The following SLC4A10 variants were observed in gnomAD, a reference collection of about 807,000 sequenced individuals.
SLC4A10 encodes the protein sodium-driven chloride bicarbonate exchanger.
A neutral mutation model predicts 137.7 loss-of-function variants in SLC4A10; 42 were observed. The ratio of observed to expected loss-of-function variants is 0.30; its 90% CI spans 0.24 to 0.39. The LOEUF (loss-of-function observed/expected upper bound fraction) is 0.39. Among genes scored for constraint, SLC4A10 ranks in the 10% least tolerant of loss-of-function variants. The pLI is 1.00. For synonymous variants in SLC4A10, 474 were observed against 464.1 expected (o/e 1.02, Z -0.27); for missense variants, 925 against 1,355.0 (o/e 0.68, Z 4.98).
chr2:161,637,909 G>A (rs2034693662), intron 1 of SLC4A10, among the ~76,000 whole-genome samples: 1 of 152,100 alleles, frequency 6.6e-6, no homozygotes, highest in Non-Finnish European at 1.5e-5. Flanking sequence ...GTCTTATTTT[G>A]ATGAATGCCT....
rs1279485590 is a variant in SLC4A10, at chr2:161,799,021, C to A, written c.131-5428C>A. 2.0e-5 allele frequency among the ~76,000 whole-genome samples: 3 copies of A among 151,158 alleles called. No homozygotes were observed. The South Asian group carries it at 6.3e-4, about 32-fold the overall frequency. ...TCTGAATAAATTCTAGTGTTCTCTG[C>A]TTATCTCAAAAAATCTTTTCTTTTA... On this transcript the variant is annotated intron_variant, in intron 2 of 26. Transcript: ENST00000446997.
intron 3 of SLC4A10, among the ~76,000 whole-genome samples, chr2:161,825,369 G>T (rs1039087969): frequency 6.6e-6 from 1 of 152,034 alleles, no homozygotes. Context: ...TTACTTCACT[G>T]CTACTGTGGC....
chr2:161,692,462 G>T (rs967633492), intron 1 of SLC4A10, among the ~76,000 whole-genome samples: 7 of 151,996 alleles, frequency 4.6e-5, no homozygotes, highest in Non-Finnish European at 8.8e-5. Context: ...TGAATATAAG[G>T]TAGTTAGTGT....
At chr2:161,981,776 GA>G (rs1246590531) in intron 26 of SLC4A10, among the ~76,000 whole-genome samples, 1 of 152,202 alleles carries the variant, frequency 6.6e-6, no homozygotes, top group East Asian at 1.9e-4. Context: ...GAAAAGGGAG[GA>G]AAGTTGCTTT....
chr2:161,783,323 G>A (rs2053259867), intron 2 of SLC4A10, among the ~76,000 whole-genome samples: 1 of 151,762 alleles, frequency 6.6e-6, no homozygotes, highest in South Asian at 2.1e-4. Context: ...AAAAACTAAG[G>A]AAGTTCATCA....
intron 19 of SLC4A10, among the ~76,000 whole-genome samples, chr2:161,956,212 A>G (rs1695633152): frequency 6.6e-6 from 1 of 152,190 alleles, no homozygotes; most frequent in African/African-American, 2.4e-5. Context: ...AATTATCACA[A>G]CAGCCCAGTG....
At chr2:161,666,110 A>AAAAACCCAAAATAT (rs2039015791) in intron 1 of SLC4A10, among the ~76,000 whole-genome samples, 2 of 151,456 alleles carry the variant, frequency 1.3e-5, no homozygotes, top group African/African-American at 4.8e-5. Context: ...ACCCAAAATA[A>AAAAACCCAAAATAT]TAAAAAAAGG....
intron 5 of SLC4A10, among the ~76,000 whole-genome samples, chr2:161,861,095 T>G (rs967427084): frequency 2.6e-5 from 4 of 152,188 alleles, no homozygotes; most frequent in African/African-American, 4.8e-5. Flanking sequence ...TGGCCTACAA[T>G]GCCTAAAATA....
chr2:161,939,933 C>T (rs1692362469), intron 15 of SLC4A10, among the ~76,000 whole-genome samples: 1 of 152,064 alleles, frequency 6.6e-6, no homozygotes, highest in Admixed American at 6.6e-5. Context: ...AGTGTCATGA[C>T]ATCTATAGTA....
chr2:161,694,677 C>A lies in SLC4A10; in HGVS notation c.48+70111C>A, dbSNP rs115016471. Among the ~76,000 whole-genome samples the A allele has an allele frequency of 9.5e-3, 1,438 of 152,060 alleles. 25 individuals carry two copies. The highest frequency in any genetic ancestry group is 0.033 in the African/African-American group (1,364 of 41,526). On this transcript the variant is annotated intron_variant, in intron 1 of 26. Coordinates refer to ENST00000446997, the MANE Select transcript of SLC4A10 (RefSeq NM_001178015.2). ...TTCAGATTCTTGTTTGATTTACGTTCTTTGAAGAGTTGCTAGTTGGCTGAA... is the reference window on the plus strand; with the variant it reads ...TTCAGATTCTTGTTTGATTTACGTTATTTGAAGAGTTGCTAGTTGGCTGAA...
intron 2 of SLC4A10, among the ~76,000 whole-genome samples, chr2:161,775,235 C>G (rs865887989): frequency 2.0e-5 from 3 of 151,878 alleles, no homozygotes; most frequent in South Asian, 2.1e-4. Context: ...GATGTGGGAT[C>G]TTGGCTACAG....
At chr2:161,727,047 C>T (rs1278410748) in intron 1 of SLC4A10, among the ~76,000 whole-genome samples, 3 of 152,222 alleles carry the variant, frequency 2.0e-5, no homozygotes, top group African/African-American at 7.2e-5. Context: ...CAGCAGAATA[C>T]TGGAATTTTA....
intron 16 of SLC4A10, among the ~76,000 whole-genome samples, chr2:161,945,383 CT>C (rs995023172): frequency 1.3e-5 from 2 of 151,262 alleles, no homozygotes; most frequent in African/African-American, 4.8e-5. Flanking sequence ...CTAATGCCAA[CT>C]TTAATTTCTT....
chr2:161,983,078 G>T, intron 26 of SLC4A10, 101 bp from the exon 27 acceptor site: 1 of 1,007,726 alleles, frequency 9.9e-7, no homozygotes, highest in South Asian at 1.5e-5. Flanking sequence ...ACGGGCTCTT[G>T]TGGTGCTTTG....
At chr2:161,795,215 G>A (rs1394655688) in intron 2 of SLC4A10, among the ~76,000 whole-genome samples, 1 of 151,942 alleles carries the variant, frequency 6.6e-6, no homozygotes, top group Non-Finnish European at 1.5e-5. Context: ...GACTATTTCA[G>A]CCTACTCCAG....
intron 26 of SLC4A10, 61 bp from the exon 27 acceptor site, chr2:161,983,118 A>G: frequency 6.9e-7 from 1 of 1,451,590 alleles, no homozygotes; most frequent in Non-Finnish European, 9.3e-7. Flanking sequence ...CTGAGCAAGC[A>G]GATGTCATAG....
At chr2:161,766,906 G>T (rs1179738198) in intron 1 of SLC4A10, among the ~76,000 whole-genome samples, 3 of 150,840 alleles carry the variant, frequency 2.0e-5, no homozygotes, top group African/African-American at 7.3e-5. Flanking sequence ...CTCAGCATAT[G>T]TTGTCAGAAA....
chr2:161,675,910 C>T (rs899375149), intron 1 of SLC4A10, among the ~76,000 whole-genome samples: 51 of 152,130 alleles, frequency 3.4e-4, no homozygotes, highest in African/African-American at 1.2e-3. Flanking sequence ...ATTCTTCTCC[C>T]ACAAGTATTT....
chr2:161,642,168 A>G (rs1276703407), intron 1 of SLC4A10, among the ~76,000 whole-genome samples: 1 of 151,968 alleles, frequency 6.6e-6, no homozygotes, highest in Non-Finnish European at 1.5e-5. Flanking sequence ...TATATCTTTG[A>G]TTCCCTAGTG....
Sources: allele counts gnomAD v4.1 joint callset (sites outside exome capture counted in the v4.1 genomes callset), GRCh38; gene constraint gnomAD v4.1.1; transcripts MANE v1.5; gene names NCBI Gene and HGNC (gene_info 2026-07-23, HGNC 2026-07-21).